NAV2: variants seen among roughly 807,000 people sequenced by gnomAD.
NAV2 encodes helicase, APC down-regulated 1.
A neutral mutation model predicts 223.2 loss-of-function variants in NAV2; 54 were observed. The observed-to-expected ratio is 0.24, with a 90% CI of 0.19 to 0.30. The LOEUF (loss-of-function observed/expected upper bound fraction) is 0.30, where lower values mean the gene tolerates loss of function less well. NAV2 is among the 10% of genes least tolerant of loss of function. NAV2 has a pLI of 1.00. For synonymous variants in NAV2, 1,279 were observed against 1,239.3 expected, an observed-to-expected ratio of 1.03 and a Z score of -0.67; for missense variants, 2,806 against 3,147.5, an observed-to-expected ratio of 0.89 and a Z score of 2.60.
intron 12 of NAV2, among the ~76,000 whole-genome samples, chr11:20,038,135 C>A (rs2056576850): frequency 6.6e-6 from 1 of 152,204 alleles, no homozygotes; most frequent in African/African-American, 2.4e-5. Context: ...ATCTCTGGTT[C>A]CACATTGATA....
intron 1 of NAV2, among the ~76,000 whole-genome samples, chr11:19,437,458 C>T (rs1426383041): frequency 1.3e-5 from 2 of 152,112 alleles, no homozygotes; most frequent in Non-Finnish European, 2.9e-5. Context: ...CTCTGCTTCC[C>T]TTTTCTCTTT....
chr11:19,718,900 C>A (rs1240453668), intron 1 of NAV2, among the ~76,000 whole-genome samples: 2 of 152,078 alleles, frequency 1.3e-5, no homozygotes. Flanking sequence ...AAGTATTGAG[C>A]ACATATAAGC....
upstream of NAV2, among the ~76,000 whole-genome samples, chr11:19,346,133 C>G (rs1266402329): frequency 6.6e-6 from 1 of 152,140 alleles, no homozygotes; most frequent in Non-Finnish European, 1.5e-5. Flanking sequence ...GAATGTAGGT[C>G]CAGTACCTGT....
intron 7 of NAV2, among the ~76,000 whole-genome samples, chr11:19,938,600 T>C (rs962493325): frequency 1.3e-5 from 2 of 152,250 alleles, no homozygotes; most frequent in Non-Finnish European, 2.9e-5. Context: ...AGGAATAAGT[T>C]GGGCTGGTTT....
chr11:20,105,792 G>C, intron 35 of NAV2, 65 bp downstream of exon 35: 1 of 1,309,888 alleles, frequency 7.6e-7, no homozygotes, highest in East Asian at 2.3e-5. Flanking sequence ...TCTGGGCCCT[G>C]GCCAGGACAG....
intron 1 of NAV2, among the ~76,000 whole-genome samples, chr11:19,787,277 T>A (rs1194634520): frequency 7.4e-6 from 1 of 135,424 alleles, no homozygotes; most frequent in African/African-American, 2.9e-5. Context: ...GATCTTTTTT[T>A]TTTTTTTTTT....
At chr11:19,349,346 C>G (rs1007658415), upstream of NAV2, among the ~76,000 whole-genome samples, 3 of 152,224 alleles carry the variant, frequency 2.0e-5, no homozygotes, top group Non-Finnish European at 4.4e-5. Context: ...CCTCCTCCCC[C>G]CTCACAAGCC....
chr11:19,394,276 ATTTCTC>A (rs1210215095), intron 1 of NAV2, among the ~76,000 whole-genome samples: 2 of 151,944 alleles, frequency 1.3e-5, no homozygotes, highest in Non-Finnish European at 1.5e-5. Flanking sequence ...GTTTCTTTCT[ATTTCTC>A]TTTTAGGTAT....
intron 10 of NAV2, among the ~76,000 whole-genome samples, chr11:19,956,393 C>G (rs1278755027): frequency 7.2e-6 from 1 of 138,526 alleles, no homozygotes; most frequent in East Asian, 2.1e-4. Flanking sequence ...CACACACACA[C>G]ACGCTCTCTC....
chr11:19,966,492 A>G (rs142170591), intron 10 of NAV2, among the ~76,000 whole-genome samples: 1,790 of 151,898 alleles, frequency 0.012, 35 homozygotes, highest in African/African-American at 0.042. Context: ...ATTTCCTGCC[A>G]TCTCCTTCAT....
At chr11:19,777,766 A>G (rs2056384679) in intron 1 of NAV2, 5 of 433,744 alleles carry the variant, frequency 1.2e-5, no homozygotes, top group Admixed American at 2.4e-5. Context: ...GGGCTGCATT[A>G]TCTCTCCGTC....
At chr11:19,460,151 A>G (rs1351413732) in intron 1 of NAV2, among the ~76,000 whole-genome samples, 2 of 152,240 alleles carry the variant, frequency 1.3e-5, no homozygotes, top group Non-Finnish European at 2.9e-5. Flanking sequence ...GGTGTTTCAC[A>G]CATAGTCAAT....
At position 19,642,787 on chromosome 11, in the gene NAV2, GGT is replaced by G. The variant is rs202167535; in HGVS notation, c.76-189684_76-189683del. Among the ~76,000 whole-genome samples the G allele has an allele frequency of 2.6e-5, 4 of 151,900 alleles. No individual in the cohort carries two copies. In the East Asian group the frequency reaches 5.8e-4, roughly 22 times the overall value. On this transcript the variant is annotated intron_variant, in intron 1 of 37. Coordinates refer to the NAV2 transcript ENST00000360655. ...GAAAAGGCAGCTGCAAACAGTCAGGGGTGTGTGTGTGTGTTAATGTGGGCACC... is the reference window on the plus strand; with the variant it reads ...GAAAAGGCAGCTGCAAACAGTCAGGGGTGTGTGTGTGTTAATGTGGGCACC...
At chr11:19,763,062 G>A (rs900634797) in intron 1 of NAV2, among the ~76,000 whole-genome samples, 1 of 152,090 alleles carries the variant, frequency 6.6e-6, no homozygotes, top group African/African-American at 2.4e-5. Context: ...GCTCCAGGAG[G>A]GCAGGAACCT....
chr11:19,699,038 G>A lies in NAV2; in HGVS notation c.76-133446G>A, dbSNP rs116159061. ...TTCCAGCCACCTGCTAGAGAAAGGCGTGAAGAAGGGCAACTGGCCTAGGGC... is the reference window on the plus strand; with the variant it reads ...TTCCAGCCACCTGCTAGAGAAAGGCATGAAGAAGGGCAACTGGCCTAGGGC... On this transcript the variant is annotated intron_variant, in intron 1 of 37. Coordinates refer to the NAV2 transcript ENST00000360655. Among the ~76,000 whole-genome samples the A allele has an allele frequency of 5.9e-3, 897 of 152,276 alleles. 8 individuals are homozygous for A. Among genetic ancestry groups the A allele is most frequent in the African/African-American group, 0.02 (814 of 41,550 alleles).
intron 1 of NAV2, among the ~76,000 whole-genome samples, chr11:19,424,704 C>T (rs927195731): frequency 8.6e-5 from 13 of 150,942 alleles, no homozygotes; most frequent in African/African-American, 1.7e-4. Context: ...GCCTGCCACA[C>T]GTCTGGCTAT....
chr11:19,963,669 C>T (rs902997787), intron 10 of NAV2, among the ~76,000 whole-genome samples: 1 of 152,098 alleles, frequency 6.6e-6, no homozygotes, highest in African/African-American at 2.4e-5. Flanking sequence ...CTCTTTGCCT[C>T]GAAAGCAATA....
chr11:19,619,828 C>T (rs2046929420), intron 1 of NAV2, among the ~76,000 whole-genome samples: 1 of 152,262 alleles, frequency 6.6e-6, no homozygotes, highest in East Asian at 1.9e-4. Context: ...GTCATGAAGT[C>T]CTTGCCCACG....
intron 1 of NAV2, among the ~76,000 whole-genome samples, chr11:19,684,305 T>G (rs908151089): frequency 2.6e-5 from 4 of 152,190 alleles, no homozygotes; most frequent in Middle Eastern, 3.2e-3. Context: ...CCTCCCATCA[T>G]TTCTGGGAGC....
Sources: gnomAD v4.1 joint callset for allele counts (sites outside exome capture counted in the v4.1 genomes callset) on GRCh38, gnomAD v4.1.1 for gene constraint, MANE v1.5 for transcripts, NCBI Gene and HGNC (gene_info 2026-07-23, HGNC 2026-07-21) for gene names.